The following ST18 variants were observed in gnomAD, a reference collection of about 807,000 sequenced individuals.
ST18 encodes the protein suppression of tumorigenicity 18 protein.
Under a neutral mutation model 110.0 loss-of-function variants are expected in ST18, and 50 were observed. That is an observed-to-expected ratio of 0.45 (90% CI 0.36 to 0.58). ST18 has a LOEUF of 0.58. Ranked by LOEUF, ST18 falls within the 20% of genes least tolerant of loss-of-function variation. The probability of loss-of-function intolerance (pLI) is 0.00; values close to 1 mark genes in which losing one functional copy is unlikely to be tolerated. For synonymous variants in ST18, 461 were observed against 452.4 expected, an observed-to-expected ratio of 1.02 and a Z score of -0.24; for missense variants, 1,306 against 1,280.1, an observed-to-expected ratio of 1.02 and a Z score of -0.31.
At chr8:52,326,975 G>A (rs1349230721) in intron 2 of ST18, among the ~76,000 whole-genome samples, 1 of 152,162 alleles carries the variant, frequency 6.6e-6, no homozygotes, top group Non-Finnish European at 1.5e-5. Context: ...GTGTTCAAGG[G>A]AGACTGCCCA....
At chr8:52,352,801 G>T (rs1257414820) in intron 2 of ST18, among the ~76,000 whole-genome samples, 1 of 152,212 alleles carries the variant, frequency 6.6e-6, no homozygotes, top group African/African-American at 2.4e-5. Flanking sequence ...AGAGAACCGT[G>T]GGAGAAGAAA....
chr8:52,206,549 G>T (rs1053560393), intron 8 of ST18: 1 of 152,206 alleles, frequency 6.6e-6, no homozygotes, highest in Non-Finnish European at 1.5e-5. Flanking sequence ...CCATCACACA[G>T]AGGCATGGAC....
At position 52,230,276 on chromosome 8, in the gene ST18, C is replaced by T. The variant is rs189194843; in HGVS notation, c.-464-199G>A. ...TTCATTTGAAAGAACTCTGTCTTAACAAGAAAAACAGGTGTCTACTGTTAT... is the reference window on the plus strand; with the variant it reads ...TTCATTTGAAAGAACTCTGTCTTAATAAGAAAAACAGGTGTCTACTGTTAT... On this transcript the variant is annotated intron_variant, in intron 2 of 25. Coordinates refer to ENST00000689386, the MANE Select transcript of ST18 (RefSeq NM_001352837.2). Among the ~76,000 whole-genome samples the T allele has an allele frequency of 3.3e-5, 5 of 152,150 alleles. No homozygotes were observed. In the East Asian group the frequency reaches 9.6e-4, roughly 29 times the overall value.
intron 2 of ST18, among the ~76,000 whole-genome samples, chr8:52,292,552 A>C (rs1479848104): frequency 6.6e-6 from 1 of 152,188 alleles, no homozygotes; most frequent in Non-Finnish European, 1.5e-5. Context: ...CAGAATCTTT[A>C]CATTCTGAAC....
chr8:52,270,098 T>C (rs1361542639), intron 2 of ST18, among the ~76,000 whole-genome samples: 1 of 152,204 alleles, frequency 6.6e-6, no homozygotes, highest in Non-Finnish European at 1.5e-5. Context: ...AAATAAAATA[T>C]AAAAGAATGA....
intron 8 of ST18, among the ~76,000 whole-genome samples, chr8:52,195,219 T>C (rs2075824946): frequency 6.6e-6 from 1 of 152,060 alleles, no homozygotes; most frequent in Non-Finnish European, 1.5e-5. Flanking sequence ...AATTAGAAAA[T>C]TGAAGATACT....
At chr8:52,173,219 G>A (rs1190878645) in intron 9 of ST18, among the ~76,000 whole-genome samples, 2 of 152,138 alleles carry the variant, frequency 1.3e-5, no homozygotes, top group Non-Finnish European at 2.9e-5. Flanking sequence ...CATATTGAAG[G>A]AAACACAAAC....
chr8:52,279,839 A>G (rs570885375), intron 2 of ST18, among the ~76,000 whole-genome samples: 1 of 152,320 alleles, frequency 6.6e-6, no homozygotes, highest in South Asian at 2.1e-4. Flanking sequence ...CTACAAATAG[A>G]TACACCTCTA....
intron 2 of ST18, among the ~76,000 whole-genome samples, chr8:52,339,132 C>T (rs1028761600): frequency 4.6e-5 from 7 of 152,118 alleles, no homozygotes; most frequent in Non-Finnish European, 8.8e-5. Flanking sequence ...AAACCTCTTC[C>T]AAGCCCATCC....
At chr8:52,316,916 C>T (rs2096039556) in intron 2 of ST18, among the ~76,000 whole-genome samples, 1 of 152,174 alleles carries the variant, frequency 6.6e-6, no homozygotes, top group South Asian at 2.1e-4. Flanking sequence ...TCTAAAGTAT[C>T]ACCCTTATCA....
At chr8:52,133,326 G>A in intron 19 of ST18, 25 bp from the exon 20 acceptor site, 2 of 1,614,020 alleles carry the variant, frequency 1.2e-6, no homozygotes, top group South Asian at 1.1e-5. Flanking sequence ...AAGAGAGCAT[G>A]GGCTGAGAAG....
At chr8:52,194,563 T>C (rs903750634) in intron 8 of ST18, 1 of 152,192 alleles carries the variant, frequency 6.6e-6, no homozygotes, top group South Asian at 2.1e-4. Flanking sequence ...TGAATGTTGG[T>C]GAAAGCATGC....
intron 2 of ST18, among the ~76,000 whole-genome samples, chr8:52,377,831 C>G (rs1239113355): frequency 6.6e-6 from 1 of 152,202 alleles, no homozygotes; most frequent in Non-Finnish European, 1.5e-5. Flanking sequence ...TTCACAATAG[C>G]AAAGACTAGG....
chr8:52,266,267 G>A (rs943471770), intron 2 of ST18, among the ~76,000 whole-genome samples: 3 of 152,190 alleles, frequency 2.0e-5, no homozygotes, highest in African/African-American at 7.2e-5. Context: ...GGATCTTTCA[G>A]GATGTGTTAC....
At chr8:52,130,123 G>GAAAGA (rs1563563155) in intron 22 of ST18, among the ~76,000 whole-genome samples, 1,570 of 90,970 alleles carry the variant, frequency 0.017, 38 homozygotes, top group African/African-American at 0.054. Context: ...AGAAAGAAAA[G>GAAAGA]AAAGAAAGAA....
intron 16 of ST18, among the ~76,000 whole-genome samples, chr8:52,144,495 T>G (rs2056508544): frequency 6.6e-6 from 1 of 152,124 alleles, no homozygotes; most frequent in African/African-American, 2.4e-5. Context: ...AATGTAATTT[T>G]TTTCATTAAT....
Position 52,116,198 on chromosome 8 carries a change from G to A in ST18, c.3003+77C>T, listed in dbSNP as rs2303459. On this transcript the variant is annotated intron_variant, in intron 25 of 25. Transcript: ENST00000689386. ...ACAGGTCTCCTCAAAGCTCAGTCGTGGCAACCCCGTGGGTAGATGCATGAT... is the reference window on the plus strand; with the variant it reads ...ACAGGTCTCCTCAAAGCTCAGTCGTAGCAACCCCGTGGGTAGATGCATGAT... 8,218 of 1,532,914 alleles carry A rather than the reference G, an allele frequency of 5.4e-3. 336 individuals are homozygous for A. The African/African-American group carries it at 0.094, about 17-fold the overall frequency. The allele number at this position is 1,532,914 out of a possible 1,614,324, so 95.0% of individuals were successfully genotyped here.
intron 8 of ST18, 82 bp from the exon 9 acceptor site, chr8:52,180,394 TA>T: frequency 6.6e-7 from 1 of 1,505,828 alleles, no homozygotes; most frequent in East Asian, 2.3e-5. Context: ...AAGTCTAACC[TA>T]AAGCCTTTGG....
intron 2 of ST18, among the ~76,000 whole-genome samples, chr8:52,260,622 C>T (rs2094660018): frequency 1.3e-5 from 2 of 152,188 alleles, no homozygotes; most frequent in South Asian, 4.1e-4. Flanking sequence ...AAGCCCAGCA[C>T]TGGGCACACA....
Sources: gnomAD v4.1 joint callset for allele counts (sites outside exome capture counted in the v4.1 genomes callset) on GRCh38, gnomAD v4.1.1 for gene constraint, MANE v1.5 for transcripts, NCBI Gene and HGNC (gene_info 2026-07-23, HGNC 2026-07-21) for gene names.